HSDL2: variants seen among roughly 807,000 people sequenced by gnomAD.
HSDL2 encodes the protein hydroxysteroid dehydrogenase like 2, also known as hydroxysteroid dehydrogenase-like protein 2.
In HSDL2, 27 loss-of-function variants were observed where a neutral mutation model predicts 46.3. The observed-to-expected ratio is 0.58, with a 90% CI of 0.43 to 0.80. The LOEUF is 0.80. HSDL2 is among the 30% of genes least tolerant of loss of function. The pLI is 0.00. For missense variants in HSDL2, 451 were observed against 502.7 expected (o/e 0.90, Z 0.98); for synonymous variants, 153 against 163.6 (o/e 0.94, Z 0.50).
intron 6 of HSDL2, among the ~76,000 whole-genome samples, chr9:112,435,789 A>G (rs996603479): frequency 2.0e-5 from 3 of 152,006 alleles, no homozygotes; most frequent in African/African-American, 4.8e-5. Context: ...CTAGAATGCA[A>G]TGGCACAGTC....
chr9:112,460,068 T>C (rs1329932517), intron 10 of HSDL2, among the ~76,000 whole-genome samples: 2 of 152,214 alleles, frequency 1.3e-5, no homozygotes, highest in Non-Finnish European at 2.9e-5. Flanking sequence ...TGTGTGATTT[T>C]CTATTCTGTC....
chr9:112,399,235 G>A (rs1831533138), intron 1 of HSDL2, among the ~76,000 whole-genome samples: 1 of 152,216 alleles, frequency 6.6e-6, no homozygotes, highest in Non-Finnish European at 1.5e-5. Context: ...GTAGGACCGT[G>A]ATGCCCACCT....
chr9:112,439,722 A>G (rs9650733), intron 7 of HSDL2, among the ~76,000 whole-genome samples: 38,972 of 152,204 alleles, frequency 0.26, 5,111 homozygotes, highest in Middle Eastern at 0.37. Flanking sequence ...GCACTCTTAT[A>G]TGCATTATCT....
At chr9:112,432,552 C>T (rs1832431527) in intron 6 of HSDL2, among the ~76,000 whole-genome samples, 1 of 152,148 alleles carries the variant, frequency 6.6e-6, no homozygotes, top group African/African-American at 2.4e-5. Flanking sequence ...GCAGAATGTT[C>T]TGTATCAGGG....
chr9:112,390,567 C>T (rs578131245), intron 1 of HSDL2, among the ~76,000 whole-genome samples: 1 of 152,048 alleles, frequency 6.6e-6, no homozygotes, highest in African/African-American at 2.4e-5. Flanking sequence ...AATCCTTCAC[C>T]TCAGCCTCCT....
rs538519104 is a variant in HSDL2 at position 112,415,359 on chromosome 9, C to T, written c.396-1482C>T. 2.1e-4 allele frequency among the ~76,000 whole-genome samples: 32 copies of T among 152,166 alleles called. 1 individual carries two copies. The South Asian group carries it at 6.4e-3, about 31-fold the overall frequency. On this transcript the variant is annotated intron_variant, in intron 4 of 10. Transcript: ENST00000398805. The stretch of plus-strand genomic sequence containing the variant: ...TTTCATGTTTAGTATATACATTGTC[C>T]TAAGTATCTCATATATATCATCTAA...
At chr9:112,457,089 G>A (rs150967889) in intron 9 of HSDL2, among the ~76,000 whole-genome samples, 1,957 of 151,856 alleles carry the variant, frequency 0.013, 26 homozygotes, top group Admixed American at 0.017. Flanking sequence ...CGGAGGTTGC[G>A]GTGAGCCCAG....
At chr9:112,428,808 A>C (rs927506146) in intron 6 of HSDL2, among the ~76,000 whole-genome samples, 1 of 152,186 alleles carries the variant, frequency 6.6e-6, no homozygotes, top group Admixed American at 6.5e-5. Context: ...AAGTTGATAC[A>C]GAGAGTTAGG....
chr9:112,419,469 A>G (rs1161564058), intron 6 of HSDL2, among the ~76,000 whole-genome samples: 3 of 151,954 alleles, frequency 2.0e-5, no homozygotes, highest in Non-Finnish European at 2.9e-5. Flanking sequence ...TACATGAGTG[A>G]CTCTTCAGCC....
intron 8 of HSDL2, among the ~76,000 whole-genome samples, chr9:112,446,005 G>T (rs1429270901): frequency 6.6e-6 from 1 of 152,136 alleles, no homozygotes; most frequent in African/African-American, 2.4e-5. Flanking sequence ...TAGTTTTCGT[G>T]TGGAAGAATT....
In HSDL2 at chr9:112,470,636, A is replaced by C; in HGVS notation, c.*92A>C. 1.4e-6 allele frequency: 1 copy of C among 692,566 alleles called. No homozygotes were observed. The highest frequency in any genetic ancestry group is 2.8e-5 in the East Asian group (1 of 35,972). The allele number at this position is 692,566 out of a possible 1,614,324, so 42.9% of individuals were successfully genotyped here. A position where few individuals can be genotyped will look rare whatever the true frequency, so the allele number is the denominator to read the frequency against. On this transcript the variant is annotated 3_prime_UTR_variant, in exon 11 of 11. Transcript: ENST00000398805. ...TAATGTTTGTTTTCTTTCCTGTTAT[A>C]TTATAAGGATATGCACGTTTGTTCT...
chr9:112,451,709 CT>C lies in HSDL2; in HGVS notation c.866-2303del, dbSNP rs993408654. On this transcript the variant is annotated intron_variant, in intron 8 of 10. Transcript: ENST00000398805. ...GGCTTGGTGTCATGGTAATACTGAC[CT>C]CACATAATTAATTAGAAAGTGTTCC... Among the ~76,000 whole-genome samples the C allele has an allele frequency of 6.1e-4, 92 of 151,046 alleles. 1 individual carries two copies. Among genetic ancestry groups the C allele is most frequent in the African/African-American group, 2.2e-3 (92 of 41,198 alleles).
At chr9:112,419,828 T>C (rs1039312546) in intron 6 of HSDL2, among the ~76,000 whole-genome samples, 7 of 152,144 alleles carry the variant, frequency 4.6e-5, no homozygotes, top group Non-Finnish European at 8.8e-5. Context: ...ATAACAGAAG[T>C]TGATGGCTTC....
Position 112,380,118 on chromosome 9 carries a change from TCGC to T in HSDL2, c.-36_-34del. Reference sequence around the variant, plus strand: ...GGACGGTCCAGCTTTAGCTCTCTGCTCGCCGCCGCCGCTGTCGCCGCCACCTCC... The same window carrying T: ...GGACGGTCCAGCTTTAGCTCTCTGCTCGCCGCCGCTGTCGCCGCCACCTCC... On this transcript the variant is annotated 5_prime_UTR_variant, in exon 1 of 11. Coordinates refer to ENST00000398805, the MANE Select transcript of HSDL2 (RefSeq NM_032303.5). 1.2e-5 allele frequency: 18 copies of T among 1,532,544 alleles called. No individual in the cohort carries two copies. Among genetic ancestry groups the T allele is most frequent in the East Asian group, 4.9e-5 (2 of 41,174 alleles). 94.9% of individuals were successfully genotyped at this position (1,532,544 alleles called of 1,614,324 possible). A position where few individuals can be genotyped will look rare whatever the true frequency, so the allele number is the denominator to read the frequency against.
intron 6 of HSDL2, among the ~76,000 whole-genome samples, chr9:112,437,494 C>A (rs1832553039): frequency 6.6e-6 from 1 of 151,936 alleles, no homozygotes; most frequent in Admixed American, 6.6e-5. Context: ...TTTTTTGTTT[C>A]CTTAGTGGTC....
At chr9:112,387,701 A>G (rs1831247324) in intron 1 of HSDL2, among the ~76,000 whole-genome samples, 1 of 152,204 alleles carries the variant, frequency 6.6e-6, no homozygotes, top group African/African-American at 2.4e-5. Context: ...GTGGAGAAAT[A>G]TGGTAACACT....
At chr9:112,416,600 A>AG (rs1473448352) in intron 4 of HSDL2, among the ~76,000 whole-genome samples, 2 of 145,338 alleles carry the variant, frequency 1.4e-5, no homozygotes, top group Non-Finnish European at 3.0e-5. Flanking sequence ...AAAAAAAAAA[A>AG]AAAAGTACAG....
intron 1 of HSDL2, among the ~76,000 whole-genome samples, chr9:112,381,924 GAA>G (rs1306991995): frequency 6.6e-6 from 1 of 151,930 alleles, no homozygotes; most frequent in African/African-American, 2.4e-5. Context: ...TAAACTCCTG[GAA>G]GTGAAATTGC....
chr9:112,467,584 C>T (rs1433446892), intron 10 of HSDL2, among the ~76,000 whole-genome samples: 1 of 152,204 alleles, frequency 6.6e-6, no homozygotes, highest in East Asian at 1.9e-4. Context: ...ATTCCGGCTC[C>T]ATCCTCATGA....
Sources: allele counts gnomAD v4.1 joint callset (sites outside exome capture counted in the v4.1 genomes callset), GRCh38; gene constraint gnomAD v4.1.1; transcripts MANE v1.5; gene names NCBI Gene and HGNC (gene_info 2026-07-23, HGNC 2026-07-21).